DCAF10: variants seen among roughly 807,000 people sequenced by gnomAD.
The protein encoded by DCAF10 is DDB1 and CUL4 associated factor 10.
DCAF10 carries 19 observed loss-of-function variants against 51.9 expected under a neutral mutation model. The ratio of observed to expected loss-of-function variants is 0.37; its 90% CI spans 0.26 to 0.54. The LOEUF is 0.54. Ranked by LOEUF, DCAF10 falls within the 20% of genes least tolerant of loss-of-function variation. The pLI is 0.87. For synonymous variants in DCAF10, 291 were observed against 297.1 expected (o/e 0.98, Z 0.21); for missense variants, 510 against 730.6 (o/e 0.70, Z 3.48).
rs1831022044 is a variant in DCAF10 at position 37,861,688 on chromosome 9, C to T, written c.*180C>T. On this transcript the variant is annotated 3_prime_UTR_variant, in exon 7 of 7. Transcript: ENST00000377724. This position sits in a 1 kb window ranked among gnomAD's most constrained non-coding sequence, Gnocchi z 4.9. ...GTCATCCAGCATCATACAGGCATCT[C>T]CAAGTTAGACTCTATGCAGCATCAT... 6.6e-6 allele frequency: 5 copies of T among 756,914 alleles called. No homozygotes were observed. The highest frequency in any genetic ancestry group is 1.0e-5 in the Non-Finnish European group (5 of 486,670). The allele number at this position is 756,914 out of a possible 1,614,324, so 46.9% of individuals were successfully genotyped here. A position where few individuals can be genotyped will look rare whatever the true frequency, so the allele number is the denominator to read the frequency against.
intron 1 of DCAF10, among the ~76,000 whole-genome samples, chr9:37,814,907 C>CA (rs1376663003): frequency 6.6e-6 from 1 of 151,970 alleles, no homozygotes; most frequent in Admixed American, 6.6e-5. Flanking sequence ...ATGAATAGCA[C>CA]AAGAAAGCAA....
At chr9:37,807,658 CTTTTTTT>C (rs5897701) in intron 1 of DCAF10, among the ~76,000 whole-genome samples, 1 of 72,558 alleles carries the variant, frequency 1.4e-5, no homozygotes, top group African/African-American at 5.3e-5. Flanking sequence ...CTTTTCTTTT[CTTTTTTT>C]TTTTTTTTTT....
chr9:37,848,794 G>A (rs1221242429), intron 3 of DCAF10, among the ~76,000 whole-genome samples: 1 of 151,914 alleles, frequency 6.6e-6, no homozygotes, highest in East Asian at 1.9e-4. Flanking sequence ...CCAACATGGT[G>A]AAATCCCGTC....
At chr9:37,836,581 ACT>A (rs1830171476) in intron 2 of DCAF10, among the ~76,000 whole-genome samples, 1 of 151,814 alleles carries the variant, frequency 6.6e-6, no homozygotes, top group Non-Finnish European at 1.5e-5. Flanking sequence ...ACTTTTATCT[ACT>A]CTTTTTTGTA....
chr9:37,863,419 G>A lies in DCAF10; in HGVS notation c.*1911G>A, dbSNP rs1325291166. 1 of 150,360 alleles carries A rather than the reference G, an allele frequency of 6.7e-6. No homozygotes were observed. The highest frequency in any genetic ancestry group is 1.5e-5 in the Non-Finnish European group (1 of 67,744). The allele number at this position is 150,360 out of a possible 1,614,324, so 9.3% of individuals were successfully genotyped here. A position where few individuals can be genotyped will look rare whatever the true frequency, so the allele number is the denominator to read the frequency against. On this transcript the variant is annotated 3_prime_UTR_variant, in exon 7 of 7. Transcript: ENST00000377724. ...TTTCATTATTTAAAAAATAATAATA[G>A]TAAATGAAAGCAATTTTAGAGGTGG...
intron 3 of DCAF10, among the ~76,000 whole-genome samples, chr9:37,848,221 T>C (rs1362738297): frequency 2.6e-5 from 4 of 152,220 alleles, no homozygotes; most frequent in Non-Finnish European, 5.9e-5. Context: ...CACTCCTAGA[T>C]ATCTATTCAA....
At chr9:37,830,927 A>C (rs1199829505) in intron 2 of DCAF10, among the ~76,000 whole-genome samples, 1 of 152,222 alleles carries the variant, frequency 6.6e-6, no homozygotes, top group Non-Finnish European at 1.5e-5. Context: ...AAGTATACAT[A>C]ACTTAAGAGT....
intron 2 of DCAF10, among the ~76,000 whole-genome samples, chr9:37,837,845 C>CAAA (rs111802269): frequency 0.028 from 3,803 of 133,658 alleles, 165 homozygotes; most frequent in African/African-American, 0.098. Context: ...GCTTGTGTGT[C>CAAA]AAAAAAAAAA....
chr9:37,808,099 C>T (rs998681621), intron 1 of DCAF10, among the ~76,000 whole-genome samples: 7 of 152,076 alleles, frequency 4.6e-5, no homozygotes, highest in African/African-American at 7.2e-5. Context: ...GGTATCATAC[C>T]GAATACAGTT....
At chr9:37,804,071 C>T (rs1487503401) in intron 1 of DCAF10, among the ~76,000 whole-genome samples, 2 of 151,842 alleles carry the variant, frequency 1.3e-5, no homozygotes, top group African/African-American at 4.8e-5. Context: ...AACTGTCCTC[C>T]ATGAGAACAC....
At chr9:37,860,377 C>A (rs140719450) in intron 6 of DCAF10, 184 bp downstream of exon 6, 12 of 708,486 alleles carry the variant, frequency 1.7e-5, no homozygotes, top group Middle Eastern at 4.2e-4. Context: ...TTATCCCTTC[C>A]AAACTCTTCT....
At chr9:37,820,710 T>C (rs1829676923) in intron 2 of DCAF10, among the ~76,000 whole-genome samples, 1 of 152,122 alleles carries the variant, frequency 6.6e-6, no homozygotes, top group South Asian at 2.1e-4. Context: ...GGAGCAACTC[T>C]GAAACCATTA....
intron 1 of DCAF10, among the ~76,000 whole-genome samples, chr9:37,811,143 A>C (rs1398836437): frequency 6.6e-6 from 1 of 152,128 alleles, no homozygotes; most frequent in Non-Finnish European, 1.5e-5. Flanking sequence ...CAGTCTGAGC[A>C]ACATAGTGAG....
At chr9:37,857,194 A>G (rs1830873310) in intron 4 of DCAF10, 47 bp from the exon 5 acceptor site, 3 of 1,431,864 alleles carry the variant, frequency 2.1e-6, no homozygotes, top group Non-Finnish European at 2.8e-6. Flanking sequence ...AAGAGCCACT[A>G]CCAGAGTTAT....
intron 2 of DCAF10, among the ~76,000 whole-genome samples, chr9:37,835,806 T>C (rs910829327): frequency 2.0e-5 from 3 of 152,216 alleles, no homozygotes; most frequent in Non-Finnish European, 4.4e-5. Flanking sequence ...GACTTGACAA[T>C]ATAAGAATTA....
intron 3 of DCAF10, among the ~76,000 whole-genome samples, chr9:37,853,836 T>G (rs1160167041): frequency 1.3e-5 from 2 of 152,128 alleles, no homozygotes; most frequent in African/African-American, 2.4e-5. Flanking sequence ...CCCAAAGTGT[T>G]GGGATTACAG....
Position 37,801,197 on chromosome 9 carries a change from G to A in DCAF10, c.331G>A (p.Gly111Ser), listed in dbSNP as rs1402468700. The change falls in exon 1 of 7, where the codon GGC becomes AGC. Residue 111 changes from glycine to serine, a missense_variant. Physicochemically the swap from Gly to Ser is moderately conservative, Grantham distance 56. This residue lies in a region of DCAF10 where 251 missense variants were observed against 227.9 expected (regional missense o/e 1.10). Coordinates refer to ENST00000377724, the MANE Select transcript of DCAF10 (RefSeq NM_024345.5). This position sits in a 1 kb window ranked among gnomAD's most constrained non-coding sequence, Gnocchi z 5.5. ...CAGGGCCAAGAGCCGGGGCCGACAC[G>A]GCCTCGGCGCGGGCCTGGGCGGCCC... is the stretch of plus-strand genomic sequence containing the variant. ...DCRAKSRGRHGLGAGLGGPGA... is the reference protein window; with the variant it reads ...DCRAKSRGRHSLGAGLGGPGA... 4 of 1,548,184 alleles carry A rather than the reference G, an allele frequency of 2.6e-6. No homozygotes were observed.
rs190929497 is a variant in DCAF10, at chr9:37,809,998, A to T, written c.539+8593A>T. 1.3e-3 allele frequency among the ~76,000 whole-genome samples: 199 copies of T among 152,058 alleles called. 1 individual carries two copies. The highest frequency in any genetic ancestry group is 4.6e-3 in the African/African-American group (192 of 41,496). On this transcript the variant is annotated intron_variant, in intron 1 of 6. Coordinates refer to ENST00000377724, the MANE Select transcript of DCAF10 (RefSeq NM_024345.5). ...AAACCCCATCTCTACTAAAAATACA[A>T]AAAAGTAGCTGGGCATGGTGGCAAA...
chr9:37,806,736 T>C (rs1006357221), intron 1 of DCAF10, among the ~76,000 whole-genome samples: 1 of 152,266 alleles, frequency 6.6e-6, no homozygotes, highest in Non-Finnish European at 1.5e-5. Context: ...AGTTTTATCA[T>C]TCTTGTTTAA....
Sources: gnomAD v4.1 joint callset for allele counts (sites outside exome capture counted in the v4.1 genomes callset) on GRCh38, gnomAD v4.1.1 for gene constraint, gnomAD v4.1.1 regional missense constraint, Gnocchi (gnomAD v3.1) non-coding constraint, MANE v1.5 for transcripts, NCBI Gene and HGNC (gene_info 2026-07-23, HGNC 2026-07-21) for gene names.